The following TNNI2 variants were observed in gnomAD, a reference collection of about 807,000 sequenced individuals.
TNNI2 encodes troponin I2, fast skeletal type.
A neutral mutation model predicts 26.5 loss-of-function variants in TNNI2; 14 were observed. That is an observed-to-expected ratio of 0.53 (90% CI 0.35 to 0.83). The LOEUF (loss-of-function observed/expected upper bound fraction) is 0.83, where lower values mean the gene tolerates loss of function less well. Ranked by LOEUF, TNNI2 falls within the 40% of genes least tolerant of loss-of-function variation. The pLI is 0.01. For synonymous variants in TNNI2, 126 were observed against 97.6 expected, an observed-to-expected ratio of 1.29 and a Z score of -1.71; for missense variants, 205 against 248.5, an observed-to-expected ratio of 0.82 and a Z score of 1.18.
At position 1,841,497 on chromosome 11, in the gene TNNI2, C is replaced by T. The variant is rs753322831; in HGVS notation, c.495C>T (p.Ile165=). ...LRDVGDWRKN[I]EEKSGMEGRK... Reference sequence around the variant, plus strand: ...ACGTGGGTGACTGGAGGAAGAACATCGAGGAGAAGTCTGGCATGGAGGGCC... The same window carrying T: ...ACGTGGGTGACTGGAGGAAGAACATTGAGGAGAAGTCTGGCATGGAGGGCC... The change falls in exon 8 of 8, where the codon ATC becomes ATT. Residue 165 remains isoleucine, a synonymous_variant. Coordinates refer to ENST00000381911, the MANE Select transcript of TNNI2 (RefSeq NM_003282.4). The T allele has an allele frequency of 4.3e-6, 7 of 1,613,978 alleles. No homozygotes were observed. The highest frequency in any genetic ancestry group is 1.3e-5 in the African/African-American group (1 of 74,922).
rs142532304 is a variant in TNNI2, at chr11:1,839,732, A to G, written c.8+28A>G. On this transcript the variant is annotated intron_variant, in intron 2 of 7. Coordinates refer to ENST00000381911, the MANE Select transcript of TNNI2 (RefSeq NM_003282.4). ...AAGTGGTACCCCTGTACCCCCATACAGTGACCCTGCCCACCTCCTGCCCTG... is the reference window on the plus strand; with the variant it reads ...AAGTGGTACCCCTGTACCCCCATACGGTGACCCTGCCCACCTCCTGCCCTG... 1,038 of 1,613,760 alleles carry G rather than the reference A, an allele frequency of 6.4e-4. 7 individuals are homozygous for G. The African/African-American group carries it at 0.012, about 19-fold the overall frequency.
chr11:1,839,547 G>A (rs1847117084), intron 1 of TNNI2, 128 bp from the exon 2 acceptor site: 3 of 846,654 alleles, frequency 3.5e-6, no homozygotes, highest in Admixed American at 4.3e-5. Context: ...GGGGGAGGAG[G>A]TGAGAGTAGG....
At chr11:1,839,626 TCA>T in intron 1 of TNNI2, 47 bp from the exon 2 acceptor site, 2 of 1,607,822 alleles carry the variant, frequency 1.2e-6, no homozygotes, top group Admixed American at 3.3e-5. Context: ...GGCACAGGCA[TCA>T]CGGTGGCAAG....
In TNNI2 at chr11:1,840,630, A is replaced by G. The variant is rs780362803; in HGVS notation, c.160A>G (p.Ile54Val). The change falls in exon 5 of 8, where the codon ATC (isoleucine) becomes GTC (valine). Residue 54 changes from isoleucine (I) to valine (V), a missense_variant. Ile to Val is a conservative substitution (Grantham distance 29). Transcript: ENST00000381911. Reference sequence around the variant, plus strand: ...GGCGGAGCACTGCCCGCCGCTGCATATCCCGGGCTCCATGTCTGAAGTGCA... The same window carrying G: ...GGCGGAGCACTGCCCGCCGCTGCATGTCCCGGGCTCCATGTCTGAAGTGCA... Reference protein sequence around the residue: ...YLAEHCPPLHIPGSMSEVQEL... With the variant: ...YLAEHCPPLHVPGSMSEVQEL... 2.3e-5 allele frequency: 37 copies of G among 1,612,712 alleles called. No individual in the cohort carries two copies. The highest frequency in any genetic ancestry group is 3.1e-5 in the Non-Finnish European group (36 of 1,179,926).
At chr11:1,841,356 C>T (rs749341220) in intron 7 of TNNI2, 100 bp from the exon 8 acceptor site, 14 of 1,532,466 alleles carry the variant, frequency 9.1e-6, no homozygotes, top group Non-Finnish European at 1.3e-5. Flanking sequence ...GGACACTCCA[C>T]TGCCCAATGC....
At chr11:1,839,912 A>G in intron 3 of TNNI2, 57 bp downstream of exon 3, 1 of 1,608,614 alleles carries the variant, frequency 6.2e-7, no homozygotes, top group East Asian at 2.2e-5. Context: ...CCAACTCAGC[A>G]TAGGTCATAG....
intron 3 of TNNI2, 25 bp downstream of exon 3, chr11:1,839,880 A>G: frequency 6.2e-7 from 1 of 1,613,514 alleles, no homozygotes; most frequent in Non-Finnish European, 8.5e-7. Context: ...GGGGCTCAAA[A>G]CATGACGAGG....
In TNNI2 at chr11:1,840,946, C is replaced by T. The variant is rs565796994; in HGVS notation, c.276+38C>T. On this transcript the variant is annotated intron_variant, in intron 6 of 7. Coordinates refer to ENST00000381911, the MANE Select transcript of TNNI2 (RefSeq NM_003282.4). ...GGCGGGCCGGCGGCAGGCGGGTAGG[C>T]GGTGGCCCAGCGGGCAGGCGGGGCG... 1.4e-4 allele frequency: 225 copies of T among 1,601,742 alleles called. No individual in the cohort carries two copies. The Admixed American group carries it at 3.0e-3, about 21-fold the overall frequency.
At chr11:1,840,467 G>C in intron 4 of TNNI2, 23 bp downstream of exon 4, 1 of 1,610,502 alleles carries the variant, frequency 6.2e-7, no homozygotes, top group Non-Finnish European at 8.5e-7. Context: ...TCCCGGGGGG[G>C]TGGCCCAGGT....
rs140107747 is a variant in TNNI2 at position 1,841,101 on chromosome 11, G to T, written c.347G>T (p.Arg116Leu). ...KFKRPPLRRV[R>L]MSADAMLKAL... ...AAGCGGCCCCCACTGCGGAGGGTGC[G>T]CATGTCGGCCGATGCCATGCTCAAG... The change falls in exon 7 of 8, where the codon CGC (arginine) becomes CTC (leucine). Residue 116 changes from arginine to leucine, a missense_variant. Physicochemically the swap from Arg to Leu is moderately radical, Grantham distance 102. Coordinates refer to ENST00000381911, the MANE Select transcript of TNNI2 (RefSeq NM_003282.4). 1.2e-6 allele frequency: 2 copies of T among 1,613,168 alleles called. No homozygotes were observed. The highest frequency in any genetic ancestry group is 1.1e-5 in the South Asian group (1 of 91,074).
At position 1,840,654 on chromosome 11, in the gene TNNI2, C is replaced by T. The variant is rs910218836; in HGVS notation, c.184C>T (p.Gln62Ter). ...TATCCCGGGCTCCATGTCTGAAGTG[C>T]AGGTACCAGCCCCTCCCCGGCCACC... ...LHIPGSMSEV[Q>*]ELCKQLHAKI... Residue 62 changes from glutamine to a stop codon, truncating the protein, a stop_gained and splice_region_variant, in exon 5 of 8, where the codon CAG becomes TAG. Transcript: ENST00000381911. LOFTEE classifies it high-confidence loss of function. 1 of 1,612,720 alleles carries T rather than the reference C, an allele frequency of 6.2e-7. No homozygotes were observed. Among genetic ancestry groups the T allele is most frequent in the African/African-American group, 1.3e-5 (1 of 75,050 alleles).
intron 1 of TNNI2, chr11:1,839,434 T>A: frequency 1.1e-5 from 4 of 363,802 alleles, no homozygotes; most frequent in Admixed American, 3.7e-5. Context: ...CGGGGACAGC[T>A]GCAGCTCCTC....
intron 3 of TNNI2, chr11:1,840,181 C>T: frequency 6.4e-7 from 1 of 1,551,060 alleles, no homozygotes; most frequent in South Asian, 1.2e-5. Context: ...GGCCTCCCAG[C>T]ACCATGTGCC....
intron 3 of TNNI2, 164 bp from the exon 4 acceptor site, chr11:1,840,239 G>A (rs1847132279): frequency 6.4e-7 from 1 of 1,550,894 alleles, no homozygotes; most frequent in South Asian, 1.2e-5. Flanking sequence ...CCAGTGCAAG[G>A]TCTGGGGCCA....
At chr11:1,839,266 A>C (rs2133031922) in intron 1 of TNNI2, among the ~76,000 whole-genome samples, 1 of 152,246 alleles carries the variant, frequency 6.6e-6, no homozygotes, top group South Asian at 2.1e-4. Flanking sequence ...GGACCCTGGA[A>C]GGAGAGTTTA....
chr11:1,840,079 G>T, intron 3 of TNNI2: 1 of 1,106,392 alleles, frequency 9.0e-7, no homozygotes, highest in Non-Finnish European at 1.3e-6. Flanking sequence ...CTGGTCACAG[G>T]GGAATCACTT....
Position 1,840,888 on chromosome 11 carries a change from G to A in TNNI2, c.256G>A (p.Val86Met), listed in dbSNP as rs761448625. ...EEEKYDMEVR[V>M]QKTSKELEDM... ...GGAGAAGTACGACATGGAGGTGAGG[G>A]TGCAGAAGACCAGCAAGGAGGTGAG... is the stretch of plus-strand genomic sequence containing the variant. Residue 86 changes from valine to methionine, a missense_variant, in exon 6 of 8, where the codon GTG (valine) becomes ATG (methionine). Val to Met is a conservative substitution (Grantham distance 21, BLOSUM62 1). Transcript: ENST00000381911. The A allele has an allele frequency of 6.2e-7, 1 of 1,613,316 alleles. No individual in the cohort carries two copies. The highest frequency in any genetic ancestry group is 8.5e-7 in the Non-Finnish European group (1 of 1,179,800).
chr11:1,840,266 C>T (rs907977275), intron 3 of TNNI2, 137 bp from the exon 4 acceptor site: 2 of 1,549,214 alleles, frequency 1.3e-6, no homozygotes, highest in African/African-American at 2.7e-5. Context: ...CCCAGCCTGC[C>T]CATCATGGCC....
Position 1,840,915 on chromosome 11 carries a change from G to A in TNNI2, c.276+7G>A, listed in dbSNP as rs753072012. ...GCAGAAGACCAGCAAGGAGGTGAGTGGTGGCGGCGGGCCGGCGGCAGGCGG... is the reference window on the plus strand; with the variant it reads ...GCAGAAGACCAGCAAGGAGGTGAGTAGTGGCGGCGGGCCGGCGGCAGGCGG... On this transcript the variant is annotated splice_region_variant and intron_variant, in intron 6 of 7. Transcript: ENST00000381911. 1 of 1,611,504 alleles carries A rather than the reference G, an allele frequency of 6.2e-7. No individual in the cohort carries two copies.
Sources: gnomAD v4.1 joint callset for allele counts (sites outside exome capture counted in the v4.1 genomes callset) on GRCh38, gnomAD v4.1.1 for gene constraint, MANE v1.5 for transcripts, NCBI Gene and HGNC (gene_info 2026-07-23, HGNC 2026-07-21) for gene names.